KCNH1: variants seen among roughly 807,000 people sequenced by gnomAD.
KCNH1 encodes the protein voltage-gated delayed rectifier potassium channel KCNH1.
In KCNH1, 27 loss-of-function variants were observed where a neutral mutation model predicts 69.2. That is an observed-to-expected ratio of 0.39 (90% CI 0.29 to 0.54). The LOEUF is 0.54. Ranked by LOEUF, KCNH1 falls within the 20% of genes least tolerant of loss-of-function variation. The probability of loss-of-function intolerance (pLI) is 0.68; values close to 1 mark genes in which losing one functional copy is unlikely to be tolerated. For synonymous variants in KCNH1, 456 were observed against 487.7 expected, an observed-to-expected ratio of 0.93 and a Z score of 0.86; for missense variants, 798 against 1,261.6, an observed-to-expected ratio of 0.63 and a Z score of 5.57.
At chr1:211,078,875 A>G (rs1341623807) in intron 5 of KCNH1, among the ~76,000 whole-genome samples, 9 of 144,760 alleles carry the variant, frequency 6.2e-5, no homozygotes, top group Admixed American at 5.1e-4. Context: ...CCGAGATCAC[A>G]CCACTGCACT....
chr1:210,832,289 C>T (rs2102440824), intron 7 of KCNH1, among the ~76,000 whole-genome samples: 1 of 152,292 alleles, frequency 6.6e-6, no homozygotes, highest in East Asian at 1.9e-4. Context: ...TGAGAGTCCT[C>T]TTCTTAGACC....
intron 7 of KCNH1, among the ~76,000 whole-genome samples, chr1:210,902,036 G>C (rs144051449): frequency 6.6e-5 from 10 of 152,292 alleles, no homozygotes; most frequent in African/African-American, 2.2e-4. Context: ...CTACATGTGG[G>C]CAGCTCAGAA....
At chr1:211,047,086 ATTCT>A (rs983803710) in intron 5 of KCNH1, among the ~76,000 whole-genome samples, 2 of 152,210 alleles carry the variant, frequency 1.3e-5, no homozygotes, top group Non-Finnish European at 2.9e-5. Flanking sequence ...GATGTTTTAC[ATTCT>A]TTATTTCATA....
intron 9 of KCNH1, among the ~76,000 whole-genome samples, chr1:210,787,520 G>A (rs1285929362): frequency 1.3e-5 from 2 of 152,164 alleles, no homozygotes; most frequent in South Asian, 2.1e-4. Context: ...TGTACCTGAT[G>A]CGTTTCACAT....
At chr1:210,936,274 C>T (rs576225474) in intron 6 of KCNH1, among the ~76,000 whole-genome samples, 6 of 152,330 alleles carry the variant, frequency 3.9e-5, no homozygotes, top group African/African-American at 1.4e-4. Context: ...CTTTTCGATG[C>T]TTCCCTCTGA....
chr1:211,058,504 T>C (rs550934949), intron 5 of KCNH1, among the ~76,000 whole-genome samples: 1 of 152,348 alleles, frequency 6.6e-6, no homozygotes, highest in East Asian at 1.9e-4. Context: ...TTTTCTTGAT[T>C]GTTTATGCAA....
intron 5 of KCNH1, among the ~76,000 whole-genome samples, chr1:211,081,495 G>A (rs575025177): frequency 6.6e-6 from 1 of 152,174 alleles, no homozygotes; most frequent in African/African-American, 2.4e-5. Flanking sequence ...TATAAATCAT[G>A]CTACTATAAA....
chr1:210,860,682 T>C (rs1685959010), intron 7 of KCNH1: 3 of 774,494 alleles, frequency 3.9e-6, no homozygotes, highest in East Asian at 2.4e-5. Context: ...CTGTGATACA[T>C]TCTTTAGATT....
chr1:211,098,822 A>C (rs1691204280), intron 3 of KCNH1, among the ~76,000 whole-genome samples: 1 of 152,230 alleles, frequency 6.6e-6, no homozygotes, highest in African/African-American at 2.4e-5. Context: ...AATTGTGGGC[A>C]ATTTGACAAT....
At chr1:210,901,669 G>C (rs1446095625) in intron 7 of KCNH1, among the ~76,000 whole-genome samples, 1 of 152,206 alleles carries the variant, frequency 6.6e-6, no homozygotes, top group African/African-American at 2.4e-5. Flanking sequence ...GCTGGAGATG[G>C]GGCATGGGGC....
At chr1:210,945,196 G>A (rs571317080) in intron 6 of KCNH1, among the ~76,000 whole-genome samples, 1 of 152,140 alleles carries the variant, frequency 6.6e-6, no homozygotes, top group Non-Finnish European at 1.5e-5. Context: ...TTTTGGCTAC[G>A]ATGAATAATG....
intron 10 of KCNH1, among the ~76,000 whole-genome samples, chr1:210,758,881 C>G (rs1211583526): frequency 3.3e-5 from 5 of 152,190 alleles, no homozygotes; most frequent in African/African-American, 1.2e-4. Context: ...GCCTCTGTCC[C>G]TGCCGCTAAC....
At chr1:210,985,982 A>G (rs1688825197) in intron 6 of KCNH1, among the ~76,000 whole-genome samples, 1 of 152,172 alleles carries the variant, frequency 6.6e-6, no homozygotes, top group Admixed American at 6.5e-5. Context: ...TTGGGTGCAT[A>G]TATATTTATG....
At chr1:210,706,220 G>T (rs1276637997) in intron 10 of KCNH1, among the ~76,000 whole-genome samples, 1 of 152,114 alleles carries the variant, frequency 6.6e-6, no homozygotes, top group Admixed American at 6.5e-5. Flanking sequence ...ATTCACTCAG[G>T]CTTTGCCGCC....
intron 10 of KCNH1, among the ~76,000 whole-genome samples, chr1:210,723,143 C>T (rs547556124): frequency 6.6e-6 from 1 of 152,266 alleles, no homozygotes; most frequent in South Asian, 2.1e-4. Context: ...AACCTGCCTG[C>T]CTGGCCTCAC....
At chr1:211,087,356 GA>G in intron 4 of KCNH1, among the ~76,000 whole-genome samples, 1 of 152,208 alleles carries the variant, frequency 6.6e-6, no homozygotes, top group Middle Eastern at 3.4e-3. Context: ...AAAACAAGAG[GA>G]TTGACTCATC....
chr1:210,808,128 T>A (rs1360539450), intron 7 of KCNH1, among the ~76,000 whole-genome samples: 1 of 152,170 alleles, frequency 6.6e-6, no homozygotes, highest in African/African-American at 2.4e-5. Context: ...GATGGGCTAG[T>A]TGTCTTTTTC....
chr1:210,684,083 C>A lies in KCNH1; in HGVS notation c.2168G>T (p.Arg723Leu). 2.6e-6 allele frequency: 4 copies of A among 1,517,272 alleles called. No individual in the cohort carries two copies. In the South Asian group the frequency reaches 4.0e-5, roughly 15 times the overall value. The allele number at this position is 1,517,272 out of a possible 1,614,324, so 94.0% of individuals were successfully genotyped here. A position where few individuals can be genotyped will look rare whatever the true frequency, so the allele number is the denominator to read the frequency against. The change falls in exon 11 of 11, where the codon CGA becomes CTA. Residue 723 changes from arginine (R) to leucine (L), a missense_variant. This residue lies in a region of KCNH1 where 331 missense variants were observed against 363.2 expected (regional missense o/e 0.91). Transcript: ENST00000271751. The part of the protein sequence containing the change: ...VKREEEERMK[R>L]KNEAPLILPP... Reference sequence around the variant, plus strand: ...CAAGATCAGGGGGGCCTCATTCTTTCGTTTCATGCGTTCTTCCTCTTCACG... The same window carrying A: ...CAAGATCAGGGGGGCCTCATTCTTTAGTTTCATGCGTTCTTCCTCTTCACG...
intron 10 of KCNH1, among the ~76,000 whole-genome samples, chr1:210,743,597 A>G (rs1286292786): frequency 6.6e-6 from 1 of 152,178 alleles, no homozygotes; most frequent in East Asian, 1.9e-4. Context: ...CTAGGACAAG[A>G]ACGCCTATTT....
Sources: gnomAD v4.1 joint callset for allele counts (sites outside exome capture counted in the v4.1 genomes callset) on GRCh38, gnomAD v4.1.1 for gene constraint, gnomAD v4.1.1 regional missense constraint, MANE v1.5 for transcripts, NCBI Gene and HGNC (gene_info 2026-07-23, HGNC 2026-07-21) for gene names.